POLA2: variants seen among roughly 807,000 people sequenced by gnomAD.
POLA2 encodes DNA polymerase alpha 2, accessory subunit, also known as DNA polymerase alpha subunit B.
In POLA2, 47 loss-of-function variants were observed where a neutral mutation model predicts 82.8. That is an observed-to-expected ratio of 0.57 (90% CI 0.45 to 0.72). POLA2 has a LOEUF of 0.72. Ranked by LOEUF, POLA2 falls within the 30% of genes least tolerant of loss-of-function variation. The probability of loss-of-function intolerance (pLI) is 0.00; values close to 1 mark genes in which losing one functional copy is unlikely to be tolerated. For synonymous variants in POLA2, 287 were observed against 286.8 expected (o/e 1.00, Z -0.01); for missense variants, 634 against 728.1 (o/e 0.87, Z 1.49).
intron 12 of POLA2, among the ~76,000 whole-genome samples, chr11:65,289,420 C>G (rs1270329817): frequency 6.6e-6 from 1 of 152,202 alleles, no homozygotes; most frequent in Non-Finnish European, 1.5e-5. Context: ...CCTGTCCTGG[C>G]CAATACCCCA....
intron 17 of POLA2, chr11:65,296,340 C>T (rs1274607844): frequency 4.3e-6 from 1 of 232,160 alleles, no homozygotes; most frequent in African/African-American, 2.2e-5. Context: ...TCTGATATGA[C>T]CTCCAAGTGG....
chr11:65,267,099 G>T (rs754741051), intron 2 of POLA2, among the ~76,000 whole-genome samples: 1 of 152,022 alleles, frequency 6.6e-6, no homozygotes, highest in African/African-American at 2.4e-5. Flanking sequence ...CCAGGTACTC[G>T]GAAAGCTGAG....
chr11:65,288,512 G>GTTTTTT (rs572913995), intron 11 of POLA2, among the ~76,000 whole-genome samples: 3 of 119,948 alleles, frequency 2.5e-5, no homozygotes, highest in African/African-American at 6.5e-5. Flanking sequence ...TTTGTTTTTT[G>GTTTTTT]TTTTTTTTTT....
rs904885338 is a variant in POLA2 at position 65,262,042 on chromosome 11, A to G, written c.-251A>G. The G allele has an allele frequency of 3.5e-5, 19 of 542,908 alleles. No homozygotes were observed. The highest frequency in any genetic ancestry group is 1.9e-5 in the African/African-American group (1 of 51,410). 33.6% of individuals were successfully genotyped at this position (542,908 alleles called of 1,614,324 possible). ...CTCACCAGGAGAGCGTCCTCTCGAG[A>G]TTTCTGCTCCCTCCATTCAGGGCGT... On this transcript the variant is annotated 5_prime_UTR_variant, in exon 1 of 18. Coordinates refer to ENST00000265465, the MANE Select transcript of POLA2 (RefSeq NM_002689.4).
At chr11:65,286,755 C>T (rs1949701752) in intron 10 of POLA2, among the ~76,000 whole-genome samples, 1 of 152,162 alleles carries the variant, frequency 6.6e-6, no homozygotes, top group Non-Finnish European at 1.5e-5. Context: ...AGGAAACTAA[C>T]ACAACAGCAT....
chr11:65,294,744 G>A, intron 15 of POLA2, 92 bp downstream of exon 15: 1 of 842,958 alleles, frequency 1.2e-6, no homozygotes, highest in Non-Finnish European at 1.9e-6. Flanking sequence ...CTGCTTAACG[G>A]TCTTGACCAG....
intron 4 of POLA2, 72 bp downstream of exon 4, chr11:65,268,801 C>G: frequency 9.7e-7 from 1 of 1,034,872 alleles, no homozygotes; most frequent in East Asian, 2.7e-5. Flanking sequence ...ATTTGAAGAT[C>G]TGAGGGAAAA....
chr11:65,305,273 AAC>A (rs1949880959), intron 8 of POLA2: 3 of 428,924 alleles, frequency 7.0e-6, no homozygotes, highest in East Asian at 7.2e-5. Flanking sequence ...ACCAAAAAGA[AAC>A]ACATGTGGCT....
At chr11:65,273,728 A>G (rs1342284788) in intron 4 of POLA2, among the ~76,000 whole-genome samples, 1 of 152,092 alleles carries the variant, frequency 6.6e-6, no homozygotes, top group Non-Finnish European at 1.5e-5. Context: ...TCCTGAGCTC[A>G]AGTGATCCTC....
At chr11:65,267,379 T>G in intron 2 of POLA2, 98 bp from the exon 3 acceptor site, 1 of 659,894 alleles carries the variant, frequency 1.5e-6, no homozygotes, top group Non-Finnish European at 2.6e-6. Context: ...AGATCTTTGA[T>G]TATATTTTGA....
intron 13 of POLA2, among the ~76,000 whole-genome samples, chr11:65,290,248 CAAAAAA>C (rs34183279): frequency 7.0e-5 from 5 of 71,252 alleles, no homozygotes; most frequent in African/African-American, 2.0e-4. Flanking sequence ...AACTCCATCT[CAAAAAA>C]AAAAAAAAAA....
In POLA2 at chr11:65,294,656, A is replaced by G. The variant is rs1949791326; in HGVS notation, c.1460+4A>G. On this transcript the variant is annotated splice_donor_region_variant and intron_variant, in intron 15 of 17. Transcript: ENST00000265465. ...TGGGGGCCGAGGAGATCAGTAGGTA[A>G]GAAGTGTGTTCCAGGCCCCAAGCAG... 1.2e-5 allele frequency: 19 copies of G among 1,601,374 alleles called. No homozygotes were observed. The highest frequency in any genetic ancestry group is 1.6e-5 in the Non-Finnish European group (19 of 1,169,228).
intron 4 of POLA2, among the ~76,000 whole-genome samples, 192 bp from the exon 5 acceptor site, chr11:65,275,700 A>G (rs1324312259): frequency 3.3e-5 from 5 of 152,168 alleles, no homozygotes; most frequent in Non-Finnish European, 7.4e-5. Context: ...AGTGTCCTGA[A>G]TGTTGGTTAC....
rs1026227948 is a variant in POLA2 at position 65,281,780 on chromosome 11, T to A, written c.963+48T>A. The A allele has an allele frequency of 4.9e-6, 7 of 1,416,844 alleles. 1 individual carries two copies. The South Asian group carries it at 8.0e-5, about 16-fold the overall frequency. 87.8% of individuals were successfully genotyped at this position (1,416,844 alleles called of 1,614,324 possible). ...GCCTCTTGGTTTGCTTCAGACAAAGTATGTCTGGAAGCTGTCTGTTCTAGA... is the reference window on the plus strand; with the variant it reads ...GCCTCTTGGTTTGCTTCAGACAAAGAATGTCTGGAAGCTGTCTGTTCTAGA... On this transcript the variant is annotated intron_variant, in intron 9 of 17. Transcript: ENST00000265465.
At chr11:65,283,985 T>C (rs1475585624) in intron 10 of POLA2, among the ~76,000 whole-genome samples, 4 of 147,914 alleles carry the variant, frequency 2.7e-5, no homozygotes, top group Non-Finnish European at 6.0e-5. Flanking sequence ...AAAAAAAAAA[T>C]TAGCTCGGCA....
chr11:65,287,524 C>T, intron 10 of POLA2, 192 bp from the exon 11 acceptor site: 2 of 405,698 alleles, frequency 4.9e-6, no homozygotes. Context: ...ACCTGCCTGT[C>T]TCTGTCTCTA....
At chr11:65,267,810 A>G (rs1308473550) in intron 3 of POLA2, among the ~76,000 whole-genome samples, 2 of 142,922 alleles carry the variant, frequency 1.4e-5, no homozygotes, top group African/African-American at 5.2e-5. Flanking sequence ...TTTTTTTTTG[A>G]GTTGGAGTTT....
intron 1 of POLA2, 179 bp from the exon 2 acceptor site, chr11:65,266,403 T>C (rs554122): frequency 0.17 from 103,228 of 603,942 alleles, 11,200 homozygotes; most frequent in African/African-American, 0.43. Flanking sequence ...TTGTCTCCCC[T>C]CAGTGGTGAG....
intron 4 of POLA2, among the ~76,000 whole-genome samples, chr11:65,275,366 CAAAAAAAAAA>C (rs760641138): frequency 1.2e-5 from 1 of 85,808 alleles, no homozygotes; most frequent in African/African-American, 3.8e-5. Context: ...GTTGATGAGT[CAAAAAAAAAA>C]AAAAAAAAAA....
Sources: allele counts gnomAD v4.1 joint callset (sites outside exome capture counted in the v4.1 genomes callset), GRCh38; gene constraint gnomAD v4.1.1; transcripts MANE v1.5; gene names NCBI Gene and HGNC (gene_info 2026-07-23, HGNC 2026-07-21).